Variants in SLC39A11 observed in about 807,000 individuals in gnomAD.
SLC39A11 encodes solute carrier family 39 member 11, also known as zinc transporter ZIP11.
SLC39A11 carries 33 observed loss-of-function variants against 36.1 expected under a neutral mutation model. The ratio of observed to expected loss-of-function variants is 0.91; its 90% CI spans 0.69 to 1.22. SLC39A11 has a LOEUF of 1.22. Among genes scored for constraint, SLC39A11 ranks in the 50% most tolerant of loss-of-function variants. The pLI is 0.00. For missense variants in SLC39A11, 432 were observed against 430.3 expected (o/e 1.00, Z -0.03); for synonymous variants, 166 against 170.3 (o/e 0.97, Z 0.20).
intron 7 of SLC39A11, among the ~76,000 whole-genome samples, chr17:72,675,453 C>A (rs9895588): frequency 6.6e-6 from 1 of 151,914 alleles, no homozygotes; most frequent in Non-Finnish European, 1.5e-5. Flanking sequence ...CAGTTTACGG[C>A]ATTTTGTTTT....
At position 73,056,416 on chromosome 17, in the gene SLC39A11, G is replaced by A. The variant is rs868406444; in HGVS notation, c.148-24702C>T. 2.0e-5 allele frequency among the ~76,000 whole-genome samples: 3 copies of A among 152,182 alleles called. No homozygotes were observed. In the Middle Eastern group the frequency reaches 0.01, roughly 518 times the overall value. On this transcript the variant is annotated intron_variant, in intron 3 of 9. Transcript: ENST00000255559. ...ACTCCTGACCTCAAGTGATCCACCC[G>A]CCTCGGCCTCCCAAAATGCTGAGTT...
At chr17:72,854,919 G>A (rs1307223081) in intron 5 of SLC39A11, among the ~76,000 whole-genome samples, 6 of 152,180 alleles carry the variant, frequency 3.9e-5, no homozygotes, top group African/African-American at 1.4e-4. Flanking sequence ...CAAAGGACAT[G>A]ATTGTGGCCA....
At chr17:72,875,743 ATGCTTACTGTGTCAGACCCTCCTTC>A (rs2080868870) in intron 5 of SLC39A11, among the ~76,000 whole-genome samples, 1 of 152,122 alleles carries the variant, frequency 6.6e-6, no homozygotes, top group African/African-American at 2.4e-5. Context: ...AGCACTTTCA[ATGCTTACTGTGTCAGACCCTCCTTC>A]TGAGGAAGGA....
At chr17:72,966,812 G>A (rs922760764) in intron 4 of SLC39A11, among the ~76,000 whole-genome samples, 9 of 151,846 alleles carry the variant, frequency 5.9e-5, no homozygotes, top group Admixed American at 4.6e-4. Context: ...CTCGTGATCC[G>A]CCCGCCTCAG....
chr17:72,888,428 TG>T (rs1345728081), intron 5 of SLC39A11, among the ~76,000 whole-genome samples: 1 of 152,128 alleles, frequency 6.6e-6, no homozygotes, highest in Non-Finnish European at 1.5e-5. Context: ...TCCCAACAGA[TG>T]GGGTTAGTGG....
At chr17:73,058,494 G>A (rs1005006736) in intron 3 of SLC39A11, among the ~76,000 whole-genome samples, 6 of 152,100 alleles carry the variant, frequency 3.9e-5, no homozygotes, top group Non-Finnish European at 5.9e-5. Context: ...AGGCCCAGAC[G>A]GGCAGATCAC....
chr17:73,070,017 G>T (rs769462037), intron 3 of SLC39A11, among the ~76,000 whole-genome samples: 44 of 152,328 alleles, frequency 2.9e-4, no homozygotes, highest in Non-Finnish European at 5.4e-4. Flanking sequence ...GCAGAGGGCT[G>T]CCTGAGATGA....
intron 6 of SLC39A11, chr17:72,818,819 C>A (rs545579938): frequency 2.0e-5 from 3 of 152,290 alleles, no homozygotes; most frequent in East Asian, 3.9e-4. Flanking sequence ...GGCTTATAAT[C>A]ATATTACAAG....
chr17:72,861,690 A>AT (rs2080028657), intron 5 of SLC39A11, among the ~76,000 whole-genome samples: 4 of 75,674 alleles, frequency 5.3e-5, no homozygotes, highest in East Asian at 8.4e-4. Context: ...TATATATATA[A>AT]AATATATATA....
At chr17:73,048,686 A>C (rs953265151) in intron 3 of SLC39A11, among the ~76,000 whole-genome samples, 1 of 152,106 alleles carries the variant, frequency 6.6e-6, no homozygotes, top group African/African-American at 2.4e-5. Context: ...CCTGAGGTGG[A>C]GCTTATCTCC....
chr17:72,986,461 C>T (rs932564904), intron 4 of SLC39A11, among the ~76,000 whole-genome samples: 44 of 152,320 alleles, frequency 2.9e-4, no homozygotes, highest in African/African-American at 9.6e-4. Context: ...TCGAGTGTGA[C>T]GCGCCACCTG....
intron 7 of SLC39A11, among the ~76,000 whole-genome samples, chr17:72,662,370 AGGAAAAGAAAAGAAAGAAAAGGAAAG>A: frequency 6.6e-6 from 1 of 150,840 alleles, no homozygotes; most frequent in Non-Finnish European, 1.5e-5. Flanking sequence ...AAGGAAGGGA[AGGAAAAGAAAAGAAAGAAAAGGAAAG>A]AAGGAGGGAA....
intron 4 of SLC39A11, among the ~76,000 whole-genome samples, chr17:72,977,271 G>T (rs2087923118): frequency 6.6e-6 from 1 of 152,196 alleles, no homozygotes; most frequent in African/African-American, 2.4e-5. Flanking sequence ...AGGACATGGG[G>T]CCTCACTCCC....
chr17:72,648,302 C>T (rs371588523), intron 9 of SLC39A11, among the ~76,000 whole-genome samples: 203 of 149,460 alleles, frequency 1.4e-3, no homozygotes, highest in African/African-American at 4.9e-3. Flanking sequence ...TGCACTCCAG[C>T]CTGGGTGACA....
At chr17:73,081,656 C>A (rs58559994) in intron 3 of SLC39A11, among the ~76,000 whole-genome samples, 499 of 49,182 alleles carry the variant, frequency 0.01, 5 homozygotes, top group African/African-American at 0.031. Context: ...CACACACACA[C>A]ACACACACAC....
intron 4 of SLC39A11, among the ~76,000 whole-genome samples, chr17:73,002,518 C>T (rs568324698): frequency 1.3e-5 from 2 of 152,286 alleles, no homozygotes; most frequent in East Asian, 3.9e-4. Flanking sequence ...AAGGTATTAG[C>T]CATGAGCACT....
At chr17:73,055,932 G>A (rs1341450410) in intron 3 of SLC39A11, among the ~76,000 whole-genome samples, 2 of 152,080 alleles carry the variant, frequency 1.3e-5, no homozygotes, top group Admixed American at 6.6e-5. Flanking sequence ...AAGCCATTCC[G>A]GTTCTGTGGG....
At chr17:72,833,714 T>C (rs1011549263) in intron 6 of SLC39A11, among the ~76,000 whole-genome samples, 4 of 152,140 alleles carry the variant, frequency 2.6e-5, no homozygotes, top group African/African-American at 9.7e-5. Context: ...AGATAACACA[T>C]AACACCAGAG....
intron 7 of SLC39A11, among the ~76,000 whole-genome samples, chr17:72,652,184 G>A (rs536864803): frequency 1.3e-5 from 2 of 152,224 alleles, no homozygotes; most frequent in Non-Finnish European, 2.9e-5. Flanking sequence ...TGAGTGGGGG[G>A]CCAGATTTGG....
Sources: gnomAD v4.1 joint callset for allele counts (sites outside exome capture counted in the v4.1 genomes callset) on GRCh38, gnomAD v4.1.1 for gene constraint, MANE v1.5 for transcripts, NCBI Gene and HGNC (gene_info 2026-07-23, HGNC 2026-07-21) for gene names.